SLC4A4: variants seen among roughly 807,000 people sequenced by gnomAD.
The protein encoded by SLC4A4 is electrogenic sodium bicarbonate cotransporter 1.
SLC4A4 carries 27 observed loss-of-function variants against 111.5 expected under a neutral mutation model. The observed-to-expected ratio is 0.24, with a 90% CI of 0.18 to 0.33. SLC4A4 has a LOEUF of 0.33. Among genes scored for constraint, SLC4A4 ranks in the 10% least tolerant of loss-of-function variants. The pLI is 1.00. For missense variants in SLC4A4, 909 were observed against 1,315.5 expected, an observed-to-expected ratio of 0.69 and a Z score of 4.78; for synonymous variants, 443 against 463.4, an observed-to-expected ratio of 0.96 and a Z score of 0.57.
intron 3 of SLC4A4, among the ~76,000 whole-genome samples, chr4:71,266,521 A>G (rs1722272218): frequency 6.6e-6 from 1 of 152,210 alleles, no homozygotes; most frequent in South Asian, 2.1e-4. Flanking sequence ...TTAAATGGAA[A>G]AATATTTTCT....
chr4:71,490,593 T>C (rs1729809813), intron 15 of SLC4A4, among the ~76,000 whole-genome samples: 1 of 151,838 alleles, frequency 6.6e-6, no homozygotes, highest in Non-Finnish European at 1.5e-5. Flanking sequence ...TCAGAGAAGT[T>C]TCTCTCAGCT....
At position 71,567,835 on chromosome 4, in the gene SLC4A4, T is replaced by C; in HGVS notation, c.*84T>C. 6.4e-7 allele frequency: 1 copy of C among 1,552,540 alleles called. No homozygotes were observed. Among genetic ancestry groups the C allele is most frequent in the South Asian group, 1.2e-5 (1 of 83,036 alleles). On this transcript the variant is annotated 3_prime_UTR_variant, in exon 26 of 26. Transcript: ENST00000264485. ...GTTGTGCCTCAAATTAGAATAGAAC[T>C]TGAACCTGAAGACAATGATTATTTC...
intron 2 of SLC4A4, among the ~76,000 whole-genome samples, chr4:71,108,892 A>G (rs1198922405): frequency 6.6e-6 from 1 of 151,490 alleles, no homozygotes; most frequent in Admixed American, 6.6e-5. Context: ...GTTTTCTTGA[A>G]TTTCTCCATG....
intron 14 of SLC4A4, among the ~76,000 whole-genome samples, chr4:71,474,239 A>T (rs1037448925): frequency 6.6e-6 from 1 of 151,850 alleles, no homozygotes; most frequent in African/African-American, 2.4e-5. Flanking sequence ...ATAAAAATTG[A>T]TATACAGTCC....
At chr4:71,111,517 C>A (rs1019024071) in intron 2 of SLC4A4, among the ~76,000 whole-genome samples, 3 of 136,800 alleles carry the variant, frequency 2.2e-5, no homozygotes, top group East Asian at 4.3e-4. Flanking sequence ...CCTGCCACCA[C>A]GCTCAGGTTT....
intron 1 of SLC4A4, among the ~76,000 whole-genome samples, chr4:71,192,644 C>A (rs188879449): frequency 1.3e-5 from 2 of 152,134 alleles, no homozygotes; most frequent in Non-Finnish European, 2.9e-5. Context: ...CTCCCTCCCC[C>A]ACTTTCTCAG....
intron 13 of SLC4A4, among the ~76,000 whole-genome samples, chr4:71,470,354 GT>G (rs1318297292): frequency 1.3e-5 from 2 of 151,982 alleles, no homozygotes. Context: ...TCCTTCTTCG[GT>G]AATGTATTTC....
chr4:71,210,996 G>A lies in SLC4A4; in HGVS notation c.-2+23595G>A, dbSNP rs778938331. Among the ~76,000 whole-genome samples, 6 of 152,172 alleles carry A rather than the reference G, an allele frequency of 3.9e-5. 1 individual carries two copies. The South Asian group carries it at 6.2e-4, about 16-fold the overall frequency. ...TGTCTGAAAAATGTGAAAAGACTTC[G>A]AGCCAAAATATGACAAAGAAAACTC... is the stretch of plus-strand genomic sequence containing the variant. On this transcript the variant is annotated intron_variant, in intron 1 of 25. Transcript: ENST00000264485.
At chr4:71,158,349 G>A (rs1351540341) in intron 2 of SLC4A4, among the ~76,000 whole-genome samples, 1 of 152,044 alleles carries the variant, frequency 6.6e-6, no homozygotes, top group Non-Finnish European at 1.5e-5. Flanking sequence ...CAACTACTGT[G>A]CCTAAAAAAG....
intron 24 of SLC4A4, among the ~76,000 whole-genome samples, chr4:71,564,122 A>G (rs1737247979): frequency 1.3e-5 from 2 of 151,768 alleles, no homozygotes; most frequent in South Asian, 4.1e-4. Flanking sequence ...TCTTACCCAA[A>G]TCATCCCCAG....
chr4:71,497,780 A>G, intron 16 of SLC4A4, 88 bp downstream of exon 16: 3 of 1,046,178 alleles, frequency 2.9e-6, no homozygotes, highest in Non-Finnish European at 4.5e-6. Flanking sequence ...GGCACCTGTA[A>G]TTCAATGTGT....
At chr4:71,380,106 C>G (rs1398163565) in intron 6 of SLC4A4, among the ~76,000 whole-genome samples, 1 of 152,158 alleles carries the variant, frequency 6.6e-6, no homozygotes, top group East Asian at 1.9e-4. Context: ...AAAAAACTGA[C>G]CAGACACAGT....
intron 1 of SLC4A4, among the ~76,000 whole-genome samples, chr4:71,079,636 C>T (rs1285771373): frequency 3.3e-5 from 5 of 151,924 alleles, no homozygotes; most frequent in African/African-American, 4.8e-5. Flanking sequence ...ATTAGCTGGG[C>T]GTGGTGGCAC....
intron 6 of SLC4A4, among the ~76,000 whole-genome samples, chr4:71,388,762 G>C (rs1277091787): frequency 6.6e-6 from 1 of 152,088 alleles, no homozygotes; most frequent in African/African-American, 2.4e-5. Flanking sequence ...TGTTGCTCAG[G>C]GTGGTCTTGA....
chr4:71,411,828 A>T (rs1448331294), intron 7 of SLC4A4, among the ~76,000 whole-genome samples: 1 of 152,206 alleles, frequency 6.6e-6, no homozygotes, highest in Non-Finnish European at 1.5e-5. Flanking sequence ...GTAATGTGGC[A>T]TCTATAGGGC....
intron 1 of SLC4A4, among the ~76,000 whole-genome samples, chr4:71,198,337 C>G (rs1445671901): frequency 6.6e-6 from 1 of 152,128 alleles, no homozygotes; most frequent in East Asian, 1.9e-4. Context: ...CTTGAACATG[C>G]ATTTGAGTTC....
intron 2 of SLC4A4, among the ~76,000 whole-genome samples, chr4:71,171,165 T>G (rs113514772): frequency 4.7e-4 from 71 of 150,726 alleles, no homozygotes; most frequent in Middle Eastern, 3.5e-3. Flanking sequence ...TTTTGTTTTT[T>G]TTTTTTTTTT....
At chr4:71,314,715 A>T (rs1176775378) in intron 3 of SLC4A4, among the ~76,000 whole-genome samples, 1 of 152,172 alleles carries the variant, frequency 6.6e-6, no homozygotes, top group East Asian at 1.9e-4. Context: ...GGAGTTGAAT[A>T]ATGATAACAC....
chr4:71,458,837 A>G (rs540226974), intron 12 of SLC4A4, among the ~76,000 whole-genome samples: 9 of 152,180 alleles, frequency 5.9e-5, no homozygotes, highest in South Asian at 2.1e-4. Context: ...AAGAATTTCA[A>G]TTTAGCTGAG....
Sources: allele counts gnomAD v4.1 joint callset (sites outside exome capture counted in the v4.1 genomes callset), GRCh38; gene constraint gnomAD v4.1.1; transcripts MANE v1.5; gene names NCBI Gene and HGNC (gene_info 2026-07-23, HGNC 2026-07-21).